The following GRID1 variants were observed in gnomAD, a reference collection of about 807,000 sequenced individuals.
GRID1 encodes glutamate ionotropic receptor delta type subunit 1.
Under a neutral mutation model 98.0 loss-of-function variants are expected in GRID1, and 28 were observed. That is an observed-to-expected ratio of 0.29 (90% CI 0.21 to 0.39). GRID1 has a LOEUF of 0.39. Ranked by LOEUF, GRID1 falls within the 10% of genes least tolerant of loss-of-function variation. The pLI is 1.00. For missense variants in GRID1, 1,111 were observed against 1,340.5 expected (o/e 0.83, Z 2.67); for synonymous variants, 553 against 538.5 (o/e 1.03, Z -0.37).
At chr10:85,997,533 T>TGC (rs1842754674) in intron 4 of GRID1, among the ~76,000 whole-genome samples, 1 of 152,310 alleles carries the variant, frequency 6.6e-6, no homozygotes, top group South Asian at 2.1e-4. Flanking sequence ...AACGTAAGTA[T>TGC]GCATATTGTA....
chr10:85,972,918 C>G (rs1842426001), intron 4 of GRID1, among the ~76,000 whole-genome samples: 1 of 152,162 alleles, frequency 6.6e-6, no homozygotes, highest in Non-Finnish European at 1.5e-5. Context: ...TTTTAATCAT[C>G]TATAATAGAT....
intron 2 of GRID1, among the ~76,000 whole-genome samples, chr10:86,299,616 G>T (rs1847652744): frequency 6.6e-6 from 1 of 151,974 alleles, no homozygotes; most frequent in Non-Finnish European, 1.5e-5. Context: ...ATTGAACAAT[G>T]ACAACACTTG....
chr10:85,841,115 A>G (rs78613070), intron 8 of GRID1, among the ~76,000 whole-genome samples: 3 of 152,222 alleles, frequency 2.0e-5, no homozygotes, highest in African/African-American at 7.2e-5. Context: ...TAACCAAATC[A>G]GCATGGTACT....
chr10:85,613,277 A>G, intron 15 of GRID1, 130 bp downstream of exon 15: 1 of 885,510 alleles, frequency 1.1e-6, no homozygotes, highest in Non-Finnish European at 1.7e-6. Flanking sequence ...CCCCCAATAT[A>G]AAACACTGCT....
intron 13 of GRID1, among the ~76,000 whole-genome samples, chr10:85,623,678 T>A (rs1440425164): frequency 6.6e-6 from 1 of 152,180 alleles, no homozygotes; most frequent in Non-Finnish European, 1.5e-5. Context: ...CACTCCTAGG[T>A]TCAGACCCCT....
chr10:86,279,296 G>C (rs1006803714), intron 2 of GRID1, among the ~76,000 whole-genome samples: 2 of 152,158 alleles, frequency 1.3e-5, no homozygotes, highest in Admixed American at 1.3e-4. Flanking sequence ...TTCTGTTACT[G>C]ATAAGCTTCC....
At chr10:86,170,234 T>TGG (rs2131992610) in intron 3 of GRID1, among the ~76,000 whole-genome samples, 2 of 152,252 alleles carry the variant, frequency 1.3e-5, no homozygotes, top group East Asian at 3.9e-4. Flanking sequence ...CCAGAGCATC[T>TGG]GGGGGTGTCA....
At chr10:86,091,728 T>G (rs1844151262) in intron 4 of GRID1, among the ~76,000 whole-genome samples, 1 of 151,556 alleles carries the variant, frequency 6.6e-6, no homozygotes, top group Non-Finnish European at 1.5e-5. Flanking sequence ...TCTCACAGAG[T>G]CCACTGCACC....
intron 8 of GRID1, among the ~76,000 whole-genome samples, chr10:85,764,915 A>G (rs1465846078): frequency 6.6e-6 from 1 of 152,226 alleles, no homozygotes; most frequent in Non-Finnish European, 1.5e-5. Context: ...TCATCAGACT[A>G]TATAACAGAA....
chr10:85,854,639 T>C (rs764635891), intron 7 of GRID1, 24 bp from the exon 8 acceptor site: 9 of 1,613,440 alleles, frequency 5.6e-6, no homozygotes, highest in African/African-American at 5.3e-5. Context: ...GAAAAACCCA[T>C]TGGAAAATCT....
chr10:86,359,422 G>A (rs976537256), intron 2 of GRID1, among the ~76,000 whole-genome samples: 2 of 152,170 alleles, frequency 1.3e-5, no homozygotes. Context: ...CACCTAGGAG[G>A]TAACGGATAT....
intron 8 of GRID1, among the ~76,000 whole-genome samples, chr10:85,815,046 C>T (rs975035662): frequency 3.3e-5 from 5 of 152,012 alleles, no homozygotes; most frequent in African/African-American, 1.2e-4. Context: ...AAAGATAATA[C>T]ATCATGACCA....
At chr10:85,772,865 A>T (rs1334652073) in intron 8 of GRID1, among the ~76,000 whole-genome samples, 3 of 152,156 alleles carry the variant, frequency 2.0e-5, no homozygotes, top group African/African-American at 7.2e-5. Context: ...CAGGACCAGA[A>T]GGATTCACAG....
chr10:86,128,874 G>A (rs550462962), intron 4 of GRID1, among the ~76,000 whole-genome samples: 1 of 152,290 alleles, frequency 6.6e-6, no homozygotes, highest in Admixed American at 6.5e-5. Flanking sequence ...CCCATGTCAA[G>A]CACTGTGAGA....
intron 4 of GRID1, among the ~76,000 whole-genome samples, chr10:86,125,399 T>G (rs776065312): frequency 6.6e-6 from 1 of 152,204 alleles, no homozygotes; most frequent in Non-Finnish European, 1.5e-5. Flanking sequence ...GCAGCAGCCT[T>G]GTGGAGTACT....
intron 3 of GRID1, among the ~76,000 whole-genome samples, chr10:86,149,976 C>G (rs547483728): frequency 6.6e-6 from 1 of 152,186 alleles, no homozygotes; most frequent in African/African-American, 2.4e-5. Flanking sequence ...TTTAAGGAAT[C>G]CATAATATGC....
intron 12 of GRID1, among the ~76,000 whole-genome samples, chr10:85,687,531 G>A (rs562570386): frequency 6.6e-6 from 1 of 152,276 alleles, no homozygotes; most frequent in Non-Finnish European, 1.5e-5. Context: ...TTGGGAGGCT[G>A]AGGCAGGAGG....
intron 2 of GRID1, among the ~76,000 whole-genome samples, chr10:86,236,312 G>A (rs551114472): frequency 6.6e-5 from 10 of 152,270 alleles, no homozygotes; most frequent in African/African-American, 1.2e-4. Context: ...TGATTTGCAC[G>A]TTTTTTCTCT....
In GRID1 at chr10:86,071,137, T is replaced by A. The variant is rs186333699; in HGVS notation, c.726+67682A>T. ...TAAAATTCCAACAAGAATAACTGCT[T>A]AGGAACAGGCTCAATTGGAGAATGC... On this transcript the variant is annotated intron_variant, in intron 4 of 15. Coordinates refer to ENST00000327946, the MANE Select transcript of GRID1 (RefSeq NM_017551.3). Among the ~76,000 whole-genome samples the A allele has an allele frequency of 1.9e-3, 289 of 152,334 alleles. 2 individuals are homozygous for A. The Middle Eastern group carries it at 0.02, about 11-fold the overall frequency.
Sources: allele counts gnomAD v4.1 joint callset (sites outside exome capture counted in the v4.1 genomes callset), GRCh38; gene constraint gnomAD v4.1.1; transcripts MANE v1.5; gene names NCBI Gene and HGNC (gene_info 2026-07-23, HGNC 2026-07-21).